The following WDFY3 variants were observed in gnomAD, a reference collection of about 807,000 sequenced individuals.
WDFY3 encodes WD repeat and FYVE domain containing 3.
In WDFY3, 66 loss-of-function variants were observed where a neutral mutation model predicts 409.6. The observed-to-expected ratio is 0.16, with a 90% CI of 0.13 to 0.20. The LOEUF is 0.20. WDFY3 is among the 10% of genes least tolerant of loss of function. The pLI, the probability that WDFY3 is intolerant of heterozygous loss-of-function variation, is 1.00. For synonymous variants in WDFY3, 1,521 were observed against 1,537.1 expected, an observed-to-expected ratio of 0.99 and a Z score of 0.25; for missense variants, 3,031 against 4,298.1, an observed-to-expected ratio of 0.71 and a Z score of 8.24.
intron 10 of WDFY3, 136 bp from the exon 11 acceptor site, chr4:84,821,687 G>A: frequency 6.9e-6 from 5 of 724,004 alleles, no homozygotes; most frequent in South Asian, 5.4e-5. Context: ...TTTCACAAAA[G>A]GTCTTATTTT....
intron 33 of WDFY3, 94 bp downstream of exon 33, chr4:84,756,832 G>T: frequency 7.8e-7 from 1 of 1,280,194 alleles, no homozygotes; most frequent in Non-Finnish European, 1.1e-6. Flanking sequence ...GAAAGTGATG[G>T]AATTGACAGT....
chr4:84,829,967 G>C (rs1003741007), intron 8 of WDFY3, among the ~76,000 whole-genome samples: 4 of 151,952 alleles, frequency 2.6e-5, no homozygotes, highest in Admixed American at 1.3e-4. Context: ...CCCTGACTCT[G>C]AGGATTTGTA....
Position 84,743,694 on chromosome 4 carries a change from A to C in WDFY3, c.6073+6T>G. The C allele has an allele frequency of 6.5e-7, 1 of 1,534,072 alleles. No homozygotes were observed. The highest frequency in any genetic ancestry group is 8.8e-7 in the Non-Finnish European group (1 of 1,136,120). On this transcript the variant is annotated splice_donor_region_variant and intron_variant, in intron 37 of 67. Transcript: ENST00000295888. The stretch of plus-strand genomic sequence containing the variant: ...GTATTTCTATAAAATAAAAACACAG[A>C]ATTACCTAATAACACATCAGCTGCA...
intron 3 of WDFY3, among the ~76,000 whole-genome samples, chr4:84,866,892 A>G (rs1470078481): frequency 6.6e-6 from 1 of 152,192 alleles, no homozygotes; most frequent in Non-Finnish European, 1.5e-5. Context: ...TCTACATTTA[A>G]ATGTTTACAT....
In WDFY3 at chr4:84,828,989, A is replaced by C. The variant is rs772338812; in HGVS notation, c.956+15T>G. ...GTAGACATTTAAAATACATTCTTAA[A>C]TTGAGCAGTCTTACCTAAGCAAGAG... On this transcript the variant is annotated intron_variant, in intron 9 of 67. Coordinates refer to ENST00000295888, the MANE Select transcript of WDFY3 (RefSeq NM_014991.6). 2 of 1,568,766 alleles carry C rather than the reference A, an allele frequency of 1.3e-6. No individual in the cohort carries two copies. Among genetic ancestry groups the C allele is most frequent in the Non-Finnish European group, 1.7e-6 (2 of 1,157,730 alleles).
intron 36 of WDFY3, among the ~76,000 whole-genome samples, chr4:84,744,141 A>G (rs964352850): frequency 2.3e-4 from 34 of 148,482 alleles, no homozygotes; most frequent in African/African-American, 8.1e-4. Flanking sequence ...ATATTGTTAT[A>G]TAAAAACTGT....
intron 67 of WDFY3, among the ~76,000 whole-genome samples, chr4:84,674,897 T>C (rs1578087085): frequency 6.6e-6 from 1 of 151,588 alleles, no homozygotes. Flanking sequence ...ATAAAAGATA[T>C]ATATATATAT....
intron 67 of WDFY3, among the ~76,000 whole-genome samples, chr4:84,676,019 G>A (rs760712586): frequency 1.1e-4 from 16 of 152,076 alleles, no homozygotes; most frequent in Non-Finnish European, 2.4e-4. Context: ...GTGATCCTAG[G>A]ACAGAGAAAG....
chr4:84,815,506 C>A (rs892160491), intron 13 of WDFY3, among the ~76,000 whole-genome samples: 1 of 152,124 alleles, frequency 6.6e-6, no homozygotes, highest in Non-Finnish European at 1.5e-5. Context: ...AATACAAGTT[C>A]ATGTACTATA....
chr4:84,835,727 CTGCAA>C (rs1756475157), intron 7 of WDFY3, among the ~76,000 whole-genome samples: 1 of 152,168 alleles, frequency 6.6e-6, no homozygotes, highest in African/African-American at 2.4e-5. Context: ...TGAGGTGAGC[CTGCAA>C]CCATTACTCT....
At chr4:84,753,902 A>G (rs759475014) in intron 34 of WDFY3, 26 bp from the exon 35 acceptor site, 1 of 1,542,196 alleles carries the variant, frequency 6.5e-7, no homozygotes, top group South Asian at 1.3e-5. Context: ...GAGAGGAAAC[A>G]CTATGTTACA....
intron 30 of WDFY3, among the ~76,000 whole-genome samples, chr4:84,771,933 T>A (rs546190252): frequency 6.6e-6 from 1 of 152,230 alleles, no homozygotes; most frequent in African/African-American, 2.4e-5. Flanking sequence ...GTTTTTCAAA[T>A]CTCTCCATCT....
chr4:84,859,783 C>T (rs555761875), intron 4 of WDFY3, among the ~76,000 whole-genome samples: 14 of 152,120 alleles, frequency 9.2e-5, no homozygotes, highest in Non-Finnish European at 1.9e-4. Flanking sequence ...CCATGTTGGC[C>T]AGGCTTGTCT....
chr4:84,673,942 C>T (rs772759358), intron 67 of WDFY3, among the ~76,000 whole-genome samples: 4 of 151,996 alleles, frequency 2.6e-5, no homozygotes, highest in Non-Finnish European at 4.4e-5. Context: ...ATGTTTAGTC[C>T]ATTAATCTAC....
At chr4:84,783,195 T>C in intron 24 of WDFY3, 121 bp from the exon 25 acceptor site, 1 of 917,862 alleles carries the variant, frequency 1.1e-6, no homozygotes, top group South Asian at 1.7e-5. Flanking sequence ...ATCAGAATAC[T>C]GAAAAACGAG....
intron 1 of WDFY3, among the ~76,000 whole-genome samples, chr4:84,961,657 AATT>A (rs1774936161): frequency 6.6e-6 from 1 of 151,842 alleles, no homozygotes; most frequent in South Asian, 2.1e-4. Context: ...AGCTAAAGAA[AATT>A]ATTTTTTTAT....
intron 5 of WDFY3, among the ~76,000 whole-genome samples, chr4:84,848,508 G>C (rs1758427921): frequency 6.6e-6 from 1 of 152,128 alleles, no homozygotes; most frequent in African/African-American, 2.4e-5. Flanking sequence ...ACCCACCACT[G>C]ACCATCTCAA....
chr4:84,807,525 C>G (rs980636560), intron 15 of WDFY3, among the ~76,000 whole-genome samples: 1 of 151,984 alleles, frequency 6.6e-6, no homozygotes, highest in Non-Finnish European at 1.5e-5. Context: ...TATAGCAGAA[C>G]CTTGGGATTC....
intron 3 of WDFY3, among the ~76,000 whole-genome samples, chr4:84,877,246 G>A (rs1215729965): frequency 1.3e-5 from 2 of 152,116 alleles, no homozygotes; most frequent in African/African-American, 4.8e-5. Context: ...GCCCTCTCCT[G>A]GGGGCTCTCC....
Sources: gnomAD v4.1 joint callset for allele counts (sites outside exome capture counted in the v4.1 genomes callset) on GRCh38, gnomAD v4.1.1 for gene constraint, MANE v1.5 for transcripts, NCBI Gene and HGNC (gene_info 2026-07-23, HGNC 2026-07-21) for gene names.